LARP1B: variants seen among roughly 807,000 people sequenced by gnomAD.
LARP1B encodes La ribonucleoprotein 1B.
A neutral mutation model predicts 114.2 loss-of-function variants in LARP1B; 76 were observed. That is an observed-to-expected ratio of 0.67 (90% CI 0.55 to 0.81). The LOEUF (loss-of-function observed/expected upper bound fraction) is 0.81. Ranked by LOEUF, LARP1B falls within the 30% of genes least tolerant of loss-of-function variation. The pLI is 0.00. For synonymous variants in LARP1B, 345 were observed against 348.0 expected, an observed-to-expected ratio of 0.99 and a Z score of 0.10; for missense variants, 1,014 against 1,075.8, an observed-to-expected ratio of 0.94 and a Z score of 0.80.
At chr4:128,088,374 C>T (rs1774527917) in intron 5 of LARP1B, among the ~76,000 whole-genome samples, 1 of 152,128 alleles carries the variant, frequency 6.6e-6, no homozygotes, top group African/African-American at 2.4e-5. Context: ...TGCAATGTGA[C>T]TTTATCAACA....
chr4:128,167,981 C>T (rs1019158867), intron 12 of LARP1B, among the ~76,000 whole-genome samples: 5 of 151,998 alleles, frequency 3.3e-5, no homozygotes, highest in African/African-American at 1.2e-4. Flanking sequence ...AAGTAGTATT[C>T]CATTGCATGG....
chr4:128,183,738 T>C (rs139361355), intron 15 of LARP1B, among the ~76,000 whole-genome samples: 1 of 152,332 alleles, frequency 6.6e-6, no homozygotes, highest in East Asian at 1.9e-4. Context: ...CTGTTGGACC[T>C]GAGCAAAGTA....
chr4:128,121,179 T>G (rs1787844832), intron 10 of LARP1B, among the ~76,000 whole-genome samples: 1 of 152,324 alleles, frequency 6.6e-6, no homozygotes, highest in East Asian at 1.9e-4. Flanking sequence ...CCATGTAGAA[T>G]GGGGATGAGG....
rs192073774 is a variant in LARP1B, at chr4:128,203,248, T to C, written c.2309+2583T>C. Among the ~76,000 whole-genome samples, 23 of 152,180 alleles carry C rather than the reference T, an allele frequency of 1.5e-4. No homozygotes were observed. In the East Asian group the frequency reaches 3.7e-3, roughly 24 times the overall value. ...CTCTCTCATGGGGTTATTGTGAAGA[T>C]TACACAAAGCATTTAAAGGGCTTAA... On this transcript the variant is annotated intron_variant, in intron 17 of 19. Coordinates refer to ENST00000326639, the MANE Select transcript of LARP1B (RefSeq NM_018078.4).
At chr4:128,124,722 G>A (rs1789015123) in intron 11 of LARP1B, among the ~76,000 whole-genome samples, 1 of 152,114 alleles carries the variant, frequency 6.6e-6, no homozygotes, top group Non-Finnish European at 1.5e-5. Flanking sequence ...AAGATGAATT[G>A]GTCGGCCAAG....
intron 1 of LARP1B, among the ~76,000 whole-genome samples, chr4:128,064,101 G>C (rs1374269668): frequency 6.6e-6 from 1 of 151,744 alleles, no homozygotes; most frequent in African/African-American, 2.4e-5. Flanking sequence ...GCGAAACCCC[G>C]TCTCTACTAA....
At chr4:128,062,018 CCGCCGCCGT>C (rs1760323856) in intron 1 of LARP1B, 6 of 985,188 alleles carry the variant, frequency 6.1e-6, no homozygotes, top group East Asian at 1.1e-4. Context: ...ACCGCCACCG[CCGCCGCCGT>C]CGCCGTTGCC....
chr4:128,108,039 A>G, intron 9 of LARP1B: 3 of 1,477,314 alleles, frequency 2.0e-6, no homozygotes, highest in Non-Finnish European at 2.7e-6. Context: ...GTCTATTCCC[A>G]CCTCTTGGTG....
At chr4:128,153,579 C>T (rs1581071482) in intron 11 of LARP1B, among the ~76,000 whole-genome samples, 1 of 152,206 alleles carries the variant, frequency 6.6e-6, no homozygotes, top group Non-Finnish European at 1.5e-5. Context: ...GCTGGAATTA[C>T]AGGCATGAGC....
intron 1 of LARP1B, among the ~76,000 whole-genome samples, chr4:128,065,285 CTT>C (rs1561010856): frequency 5.9e-5 from 8 of 135,210 alleles, no homozygotes; most frequent in Admixed American, 3.2e-4. Context: ...TTCTTTCTTT[CTT>C]TCTTTCTTTC....
At chr4:128,197,049 G>A (rs1754405645) in intron 15 of LARP1B, among the ~76,000 whole-genome samples, 1 of 152,162 alleles carries the variant, frequency 6.6e-6, no homozygotes, top group African/African-American at 2.4e-5. Flanking sequence ...GGGAGGGGTA[G>A]AGGGGTAGTT....
chr4:128,181,180 C>CTTTTTTTT (rs70966086), intron 15 of LARP1B, among the ~76,000 whole-genome samples: 4 of 130,002 alleles, frequency 3.1e-5, no homozygotes, highest in Non-Finnish European at 3.3e-5. Flanking sequence ...CTCATCCATT[C>CTTTTTTTT]TTTTTTTTTT....
At chr4:128,161,965 A>G (rs955607130) in intron 11 of LARP1B, among the ~76,000 whole-genome samples, 1 of 152,156 alleles carries the variant, frequency 6.6e-6, no homozygotes, top group African/African-American at 2.4e-5. Flanking sequence ...TGGTCTTATA[A>G]TGTTTTTTAA....
intron 12 of LARP1B, among the ~76,000 whole-genome samples, chr4:128,165,946 T>A (rs1004955364): frequency 1.3e-5 from 2 of 152,134 alleles, no homozygotes; most frequent in Non-Finnish European, 2.9e-5. Context: ...GAATCCTCAA[T>A]AACTCCTTGT....
At chr4:128,086,083 G>A (rs529561021) in intron 5 of LARP1B, among the ~76,000 whole-genome samples, 15 of 145,146 alleles carry the variant, frequency 1.0e-4, no homozygotes, top group South Asian at 8.8e-4. Flanking sequence ...GCGCGATCTC[G>A]GCTCGCTGCA....
At chr4:128,085,039 T>A (rs573972997) in intron 5 of LARP1B, among the ~76,000 whole-genome samples, 1 of 152,068 alleles carries the variant, frequency 6.6e-6, no homozygotes, top group Admixed American at 6.5e-5. Context: ...AATTTTTAAA[T>A]TTTTAGTAGA....
intron 8 of LARP1B, among the ~76,000 whole-genome samples, chr4:128,098,739 A>ATGTGTGTG (rs1159007703): frequency 8.4e-5 from 2 of 23,694 alleles, no homozygotes; most frequent in South Asian, 4.0e-3. Context: ...GTTCCTGTAT[A>ATGTGTGTG]TGTATGTGTA....
chr4:128,068,610 A>G (rs987387531), intron 1 of LARP1B, among the ~76,000 whole-genome samples: 2 of 151,706 alleles, frequency 1.3e-5, no homozygotes, highest in African/African-American at 2.4e-5. Context: ...GGGTCTCACT[A>G]TATTGCCCAG....
rs67992602 is a variant in LARP1B at position 128,176,269 on chromosome 4, A to ATG, written c.1649-587_1649-586dup. 3.4e-3 allele frequency among the ~76,000 whole-genome samples: 385 copies of ATG among 113,992 alleles called. 2 individuals are homozygous for ATG. Among genetic ancestry groups the ATG allele is most frequent in the Middle Eastern group, 0.03 (8 of 266 alleles). 74.8% of individuals were successfully genotyped at this position (113,992 alleles called of 152,430 possible). On this transcript the variant is annotated intron_variant, in intron 12 of 19. Coordinates refer to ENST00000326639, the MANE Select transcript of LARP1B (RefSeq NM_018078.4). ...TATATACATTTATATATATACACAT[A>ATG]TGTGTGTGTGTGTGTGTATATATAT...
Sources: gnomAD v4.1 joint callset for allele counts (sites outside exome capture counted in the v4.1 genomes callset) on GRCh38, gnomAD v4.1.1 for gene constraint, MANE v1.5 for transcripts, NCBI Gene and HGNC (gene_info 2026-07-23, HGNC 2026-07-21) for gene names.